C2orf78: variants seen among roughly 807,000 people sequenced by gnomAD.
C2orf78 encodes chromosome 2 open reading frame 78, also known as uncharacterized protein C2orf78.
A neutral mutation model predicts 21.4 loss-of-function variants in C2orf78; 12 were observed. The observed-to-expected ratio is 0.56, with a 90% CI of 0.36 to 0.91. C2orf78 has a LOEUF of 0.91. C2orf78 is among the 40% of genes least tolerant of loss of function. The probability of loss-of-function intolerance (pLI) is 0.01; values close to 1 mark genes in which losing one functional copy is unlikely to be tolerated. For synonymous variants in C2orf78, 396 were observed against 413.9 expected (o/e 0.96, Z 0.52); for missense variants, 1,042 against 1,092.4 (o/e 0.95, Z 0.65).
chr2:73,816,491 T>A (rs781243832), exon 3 of C2orf78: 2 of 1,613,954 alleles, frequency 1.2e-6, no homozygotes, highest in Non-Finnish European at 1.7e-6. Context: ...GACCTGATTC[T>A]ACTAACTCAG....
chr2:73,812,074 T>C (rs1558541609), intron 1 of C2orf78, among the ~76,000 whole-genome samples: 1 of 152,170 alleles, frequency 6.6e-6, no homozygotes, highest in Non-Finnish European at 1.5e-5. Context: ...CTGATACAGT[T>C]TGTCTATACA....
chr2:73,808,683 C>A, intron 1 of C2orf78: 1 of 1,463,192 alleles, frequency 6.8e-7, no homozygotes, highest in Non-Finnish European at 9.1e-7. Context: ...ACATCATTCT[C>A]CCACCAAACC....
In C2orf78 at chr2:73,811,883, G is replaced by T. The variant is rs567584616; in HGVS notation, c.98-1594G>T. Among the ~76,000 whole-genome samples, 42 of 152,170 alleles carry T rather than the reference G, an allele frequency of 2.8e-4. 1 individual carries two copies. Among genetic ancestry groups the T allele is most frequent in the African/African-American group, 9.9e-4 (41 of 41,542 alleles). On this transcript the variant is annotated intron_variant, in intron 1 of 2. Coordinates refer to ENST00000409561, the Ensembl canonical transcript of C2orf78. ...ACACTAGGATTAATACCTGTCATTTGCTGGGTAATATTCATAGAAATATGA... is the reference window on the plus strand; with the variant it reads ...ACACTAGGATTAATACCTGTCATTTTCTGGGTAATATTCATAGAAATATGA...
At chr2:73,816,799 A>C (rs1262070043) in exon 3 of C2orf78, 3 of 1,614,026 alleles carry the variant, frequency 1.9e-6, no homozygotes, top group Non-Finnish European at 2.5e-6. Context: ...CCATGGAGGA[A>C]ACCCACTGTT....
chr2:73,807,937 T>C (rs1484697102), intron 1 of C2orf78, among the ~76,000 whole-genome samples: 1 of 150,988 alleles, frequency 6.6e-6, no homozygotes, highest in East Asian at 1.9e-4. Flanking sequence ...AAGAGGGTTC[T>C]TTAATCTCTT....
chr2:73,811,012 C>T (rs1199514411), intron 1 of C2orf78, among the ~76,000 whole-genome samples: 6 of 147,556 alleles, frequency 4.1e-5, no homozygotes, highest in Admixed American at 3.5e-4. Context: ...GCCTCCAGGC[C>T]GAGCTCGGTG....
chr2:73,813,382 C>T, intron 1 of C2orf78, 95 bp from the exon 2 acceptor site: 2 of 1,295,064 alleles, frequency 1.5e-6, no homozygotes, highest in Non-Finnish European at 2.1e-6. Flanking sequence ...TAGAGGCTTC[C>T]TGATTGCAAC....
chr2:73,797,471 ATC>A (rs1314253584), intron 1 of C2orf78, among the ~76,000 whole-genome samples: 2 of 6,646 alleles, frequency 3.0e-4, no homozygotes, highest in African/African-American at 1.2e-3. Flanking sequence ...ATCCACATAA[ATC>A]TCTTTTTTCC....
chr2:73,816,125 G>A (rs751577170), exon 3 of C2orf78: 9 of 1,613,944 alleles, frequency 5.6e-6, no homozygotes, highest in Non-Finnish European at 5.9e-6. Flanking sequence ...TAGAGTCCGT[G>A]CAAGTTTTCC....
exon 2 of C2orf78, chr2:73,813,744 C>T (rs768671949): frequency 6.2e-7 from 1 of 1,614,068 alleles, no homozygotes; most frequent in Non-Finnish European, 8.5e-7. Flanking sequence ...TCAGCTGCCT[C>T]TTATCCAGGC....
chr2:73,815,071 T>C, exon 3 of C2orf78: 2 of 1,607,414 alleles, frequency 1.2e-6, no homozygotes, highest in South Asian at 2.2e-5. Context: ...TCCTTTGTAG[T>C]GATGGAAACT....
exon 3 of C2orf78, chr2:73,816,067 G>T (rs779954174): frequency 6.2e-7 from 1 of 1,613,864 alleles, no homozygotes; most frequent in Non-Finnish European, 8.5e-7. Context: ...CCTGAGCTTA[G>T]CCAAAAGACC....
intron 1 of C2orf78, among the ~76,000 whole-genome samples, chr2:73,786,501 C>G (rs867241061): frequency 2.1e-5 from 2 of 97,336 alleles, no homozygotes; most frequent in Middle Eastern, 4.0e-3. Context: ...ACACGTAAAT[C>G]ATTAGCAACT....
In C2orf78 at chr2:73,810,763, AAT is replaced by A. The variant is rs201058984; in HGVS notation, c.98-2704_98-2703del. On this transcript the variant is annotated intron_variant, in intron 1 of 2. Transcript: ENST00000409561. ...ATACATGTATATTTTATGTATATAT[AAT>A]ATATATATAAAATATACATGTATAT... Among the ~76,000 whole-genome samples the A allele has an allele frequency of 6.1e-3, 799 of 131,428 alleles. 5 individuals are homozygous for A. Among genetic ancestry groups the A allele is most frequent in the Middle Eastern group, 0.026 (7 of 274 alleles). The allele number at this position is 131,428 out of a possible 152,430, so 86.2% of individuals were successfully genotyped here. A position where few individuals can be genotyped will look rare whatever the true frequency, so the allele number is the denominator to read the frequency against.
At chr2:73,814,203 C>T (rs373811324) in exon 2 of C2orf78, 80 of 1,580,938 alleles carry the variant, frequency 5.1e-5, no homozygotes, top group Non-Finnish European at 1.7e-5. Flanking sequence ...TCTTCTCAAC[C>T]CATCACAGAA....
chr2:73,816,337 C>A, exon 3 of C2orf78: 6 of 1,613,868 alleles, frequency 3.7e-6, no homozygotes, highest in Non-Finnish European at 5.1e-6. Context: ...TGTACATCTC[C>A]ATCCCACTCT....
Position 73,813,755 on chromosome 2 carries a change from G to A in C2orf78, c.376G>A (p.Val126Ile), listed in dbSNP as rs372161266. The A allele has an allele frequency of 5.3e-5, 85 of 1,614,030 alleles. 1 individual carries two copies. In the Middle Eastern group the frequency reaches 1.6e-3, roughly 31 times the overall value. ...TACTTCAGCTGCCTCTTATCCAGGC[G>A]TTTTTGAGTGGGATAGTACAGCAAG... is the stretch of plus-strand genomic sequence containing the variant. Residue 126 changes from valine to isoleucine, a missense_variant, in exon 2 of 3, where the codon GTT (valine) becomes ATT (isoleucine). Around this residue, in one of 2 missense-constraint regions of C2orf78, gnomAD observed 1,039 missense variants for 1,069.7 expected, o/e 0.97. Transcript: ENST00000409561.
At chr2:73,808,484 T>C (rs575008240) in intron 1 of C2orf78, among the ~76,000 whole-genome samples, 31 of 150,966 alleles carry the variant, frequency 2.1e-4, no homozygotes, top group African/African-American at 7.7e-4. Flanking sequence ...AACATTGAGA[T>C]GATCTCCCTA....
chr2:73,815,591 C>CTT lies in C2orf78; in HGVS notation c.1369_1370dup (p.Ser459ValfsTer25). 6.2e-7 allele frequency: 1 copy of CTT among 1,614,020 alleles called. No individual in the cohort carries two copies. Among genetic ancestry groups the CTT allele is most frequent in the Non-Finnish European group, 8.5e-7 (1 of 1,179,888 alleles). On this transcript the variant is annotated frameshift_variant, in exon 3 of 3. Transcript: ENST00000409561. LOFTEE classifies it low-confidence loss of function (END_TRUNC). ...TGGAGGATACTTACCTCCCCCCGAT[C>CTT]TTCAGTTCCTTACAAGATCTTGACC...
Sources: allele counts gnomAD v4.1 joint callset (sites outside exome capture counted in the v4.1 genomes callset), GRCh38; gene constraint gnomAD v4.1.1; regional missense constraint gnomAD v4.1.1; transcripts MANE v1.5; gene names NCBI Gene and HGNC (gene_info 2026-07-23, HGNC 2026-07-21).